PARD3: variants seen among roughly 807,000 people sequenced by gnomAD.
The protein encoded by PARD3 is par-3 family cell polarity regulator, also known as partitioning defective 3 homolog.
Under a neutral mutation model 155.4 loss-of-function variants are expected in PARD3, and 75 were observed. That is an observed-to-expected ratio of 0.48 (90% CI 0.40 to 0.58). PARD3 has a LOEUF of 0.58. Ranked by LOEUF, PARD3 falls within the 20% of genes least tolerant of loss-of-function variation. The pLI, the probability that PARD3 is intolerant of heterozygous loss-of-function variation, is 0.00. For missense variants in PARD3, 1,642 were observed against 1,721.7 expected, an observed-to-expected ratio of 0.95 and a Z score of 0.82; for synonymous variants, 576 against 610.5, an observed-to-expected ratio of 0.94 and a Z score of 0.83.
chr10:34,163,504 G>A (rs563118678), intron 22 of PARD3, among the ~76,000 whole-genome samples: 11 of 152,324 alleles, frequency 7.2e-5, no homozygotes, highest in Admixed American at 3.3e-4. Flanking sequence ...CGGAAAAAGA[G>A]AGAAGAGTGG....
intron 1 of PARD3, among the ~76,000 whole-genome samples, chr10:34,726,472 G>T (rs935015473): frequency 2.0e-5 from 3 of 152,182 alleles, no homozygotes; most frequent in African/African-American, 7.2e-5. Flanking sequence ...CATAATCCCA[G>T]CTACTCGGGA....
intron 22 of PARD3, among the ~76,000 whole-genome samples, chr10:34,150,070 A>G (rs1948705436): frequency 1.3e-5 from 2 of 152,248 alleles, no homozygotes; most frequent in Admixed American, 6.5e-5. Context: ...AGTATGAAAT[A>G]TAAAGCACAG....
chr10:34,627,921 A>G (rs2092064636), intron 2 of PARD3, among the ~76,000 whole-genome samples: 2 of 152,144 alleles, frequency 1.3e-5, no homozygotes, highest in African/African-American at 4.8e-5. Flanking sequence ...AGGTTGCCTC[A>G]TCAGCTTCAT....
intron 2 of PARD3, among the ~76,000 whole-genome samples, chr10:34,618,717 T>C (rs1231951362): frequency 1.3e-5 from 2 of 152,144 alleles, no homozygotes; most frequent in Non-Finnish European, 2.9e-5. Flanking sequence ...TTCCAAAATA[T>C]CACACTCTAC....
intron 2 of PARD3, among the ~76,000 whole-genome samples, chr10:34,639,441 A>G (rs898184432): frequency 1.3e-5 from 2 of 152,250 alleles, no homozygotes; most frequent in Non-Finnish European, 2.9e-5. Flanking sequence ...TTTTTAAACA[A>G]ACAGGAATGA....
At chr10:34,526,893 T>C (rs939647394) in intron 2 of PARD3, among the ~76,000 whole-genome samples, 1 of 152,204 alleles carries the variant, frequency 6.6e-6, no homozygotes, top group African/African-American at 2.4e-5. Context: ...AACCGAGACA[T>C]TCCCTCGTTG....
At chr10:34,772,931 C>T (rs1777418981) in intron 1 of PARD3, among the ~76,000 whole-genome samples, 1 of 152,026 alleles carries the variant, frequency 6.6e-6, no homozygotes, top group Admixed American at 6.6e-5. Context: ...AAAATATGCC[C>T]TTAACATGTT....
At chr10:34,367,431 C>T (rs531363897) in intron 12 of PARD3, among the ~76,000 whole-genome samples, 5 of 152,326 alleles carry the variant, frequency 3.3e-5, no homozygotes, top group Admixed American at 2.0e-4. Flanking sequence ...TCTGGCCAGG[C>T]GCAGTGGCTC....
intron 1 of PARD3, among the ~76,000 whole-genome samples, chr10:34,709,402 G>C (rs2133611547): frequency 6.6e-6 from 1 of 152,282 alleles, no homozygotes; most frequent in Admixed American, 6.5e-5. Context: ...TGCTCCACCT[G>C]TATACACACA....
chr10:34,165,737 A>G (rs1377494882), intron 22 of PARD3, among the ~76,000 whole-genome samples: 1 of 152,144 alleles, frequency 6.6e-6, no homozygotes, highest in Non-Finnish European at 1.5e-5. Context: ...TTAATTTTCC[A>G]TGTTTGTTGA....
At chr10:34,756,481 A>G (rs1319895580) in intron 1 of PARD3, among the ~76,000 whole-genome samples, 2 of 145,170 alleles carry the variant, frequency 1.4e-5, no homozygotes, top group African/African-American at 2.6e-5. Flanking sequence ...TTCTTATAAA[A>G]AAAAAAAAAA....
intron 2 of PARD3, among the ~76,000 whole-genome samples, chr10:34,546,098 TGTTG>T (rs746493969): frequency 6.6e-6 from 1 of 152,236 alleles, no homozygotes; most frequent in Non-Finnish European, 1.5e-5. Flanking sequence ...ATAAAATATA[TGTTG>T]TATACTTTTA....
chr10:34,532,537 T>C (rs1171367456), intron 2 of PARD3, among the ~76,000 whole-genome samples: 1 of 152,234 alleles, frequency 6.6e-6, no homozygotes, highest in Admixed American at 6.5e-5. Context: ...GTGCTGCTTA[T>C]AGAACACTTT....
chr10:34,616,930 CAAA>C (rs1171920434), intron 2 of PARD3, among the ~76,000 whole-genome samples: 13 of 89,216 alleles, frequency 1.5e-4, no homozygotes, highest in Admixed American at 2.5e-4. Flanking sequence ...GCACCTGTCT[CAAA>C]AAAAAAAAAA....
chr10:34,429,164 A>C (rs1441907415), intron 5 of PARD3, among the ~76,000 whole-genome samples: 3 of 152,164 alleles, frequency 2.0e-5, no homozygotes, highest in Non-Finnish European at 4.4e-5. Context: ...TTTCTATGAG[A>C]AGAAAAAGAA....
intron 23 of PARD3, among the ~76,000 whole-genome samples, chr10:34,121,170 T>C (rs1265128784): frequency 6.6e-6 from 1 of 152,228 alleles, no homozygotes; most frequent in African/African-American, 2.4e-5. Context: ...TTACTGAACG[T>C]GTATACCGCA....
rs563744920 is a variant in PARD3, at chr10:34,112,338, A to C, written c.3669-776T>G. Among the ~76,000 whole-genome samples the C allele has an allele frequency of 4.6e-5, 7 of 152,366 alleles. No homozygotes were observed. In the East Asian group the frequency reaches 1.3e-3, roughly 29 times the overall value. The stretch of plus-strand genomic sequence containing the variant: ...AATCAGAGTCACATGGAAATTTCAA[A>C]TTCTTCCCACTTCTGCAACAGAGTT... On this transcript the variant is annotated intron_variant, in intron 24 of 24. Coordinates refer to ENST00000374788, the MANE Select transcript of PARD3 (RefSeq NM_001184785.2).
intron 5 of PARD3, among the ~76,000 whole-genome samples, chr10:34,419,234 C>G (rs182677852): frequency 9.9e-5 from 15 of 152,136 alleles, no homozygotes; most frequent in Non-Finnish European, 1.9e-4. Context: ...TGCAAAGAAA[C>G]AGGCCAGGTG....
At chr10:34,320,155 G>A (rs1958287367) in intron 19 of PARD3, among the ~76,000 whole-genome samples, 1 of 152,130 alleles carries the variant, frequency 6.6e-6, no homozygotes, top group African/African-American at 2.4e-5. Flanking sequence ...ACTGACTTGT[G>A]ACTTTATCCT....
Sources: gnomAD v4.1 joint callset for allele counts (sites outside exome capture counted in the v4.1 genomes callset) on GRCh38, gnomAD v4.1.1 for gene constraint, MANE v1.5 for transcripts, NCBI Gene and HGNC (gene_info 2026-07-23, HGNC 2026-07-21) for gene names.